SHISA9: variants seen among roughly 807,000 people sequenced by gnomAD.
The protein encoded by SHISA9 is shisa family member 9.
A neutral mutation model predicts 38.0 loss-of-function variants in SHISA9; 13 were observed. The ratio of observed to expected loss-of-function variants is 0.34; its 90% CI spans 0.22 to 0.54. The LOEUF (loss-of-function observed/expected upper bound fraction) is 0.54. Ranked by LOEUF, SHISA9 falls within the 20% of genes least tolerant of loss-of-function variation. The pLI is 0.91. For synonymous variants in SHISA9, 275 were observed against 242.0 expected (o/e 1.14, Z -1.27); for missense variants, 538 against 575.8 (o/e 0.93, Z 0.67).
chr16:13,325,248 C>A, the SHISA9 span, among the ~76,000 whole-genome samples: 5 of 152,198 alleles, frequency 3.3e-5, no homozygotes, highest in Non-Finnish European at 5.9e-5. Context: ...AAATACTTCA[C>A]CTGCTACCTG....
intron 4 of SHISA9, among the ~76,000 whole-genome samples, chr16:13,220,771 C>G (rs1416559787): frequency 6.7e-6 from 1 of 149,722 alleles, no homozygotes; most frequent in Non-Finnish European, 1.5e-5. Context: ...GGGATCTGTG[C>G]TCAGCCATGG....
At chr16:13,092,598 A>T (rs541902367) in intron 2 of SHISA9, among the ~76,000 whole-genome samples, 1 of 152,236 alleles carries the variant, frequency 6.6e-6, no homozygotes, top group African/African-American at 2.4e-5. Flanking sequence ...AGCATTGAGC[A>T]AGGCTCCATG....
intron 2 of SHISA9, among the ~76,000 whole-genome samples, chr16:12,995,889 C>A (rs1489084096): frequency 6.6e-6 from 1 of 152,130 alleles, no homozygotes; most frequent in Non-Finnish European, 1.5e-5. Flanking sequence ...GTCACTCCGG[C>A]ACATCATTGG....
At chr16:13,113,803 C>G (rs1567216474) in intron 2 of SHISA9, among the ~76,000 whole-genome samples, 1 of 152,170 alleles carries the variant, frequency 6.6e-6, no homozygotes, top group African/African-American at 2.4e-5. Context: ...AAGGTCCAGG[C>G]CTGTATCTCA....
intron 2 of SHISA9, among the ~76,000 whole-genome samples, chr16:13,101,553 G>T (rs1212424750): frequency 6.6e-6 from 1 of 152,204 alleles, no homozygotes; most frequent in Non-Finnish European, 1.5e-5. Context: ...TTGTGTTTGG[G>T]TTGATGGTCT....
At chr16:13,549,851 C>T in the SHISA9 span, among the ~76,000 whole-genome samples, 1 of 151,940 alleles carries the variant, frequency 6.6e-6, no homozygotes, top group African/African-American at 2.4e-5. Flanking sequence ...GGTGAAACCA[C>T]ATCTCTACAA....
chr16:13,023,433 G>A lies in SHISA9; in HGVS notation c.691+106618G>A, dbSNP rs552609544. 7.2e-5 allele frequency among the ~76,000 whole-genome samples: 11 copies of A among 152,284 alleles called. 1 individual carries two copies. In the South Asian group the frequency reaches 2.3e-3, roughly 32 times the overall value. ...GCAGTCTATCATTGATGGACATTTGGGTTGGTTCCAAGTCTTTGCTATTGT... is the reference window on the plus strand; with the variant it reads ...GCAGTCTATCATTGATGGACATTTGAGTTGGTTCCAAGTCTTTGCTATTGT... On this transcript the variant is annotated intron_variant, in intron 2 of 4. Coordinates refer to ENST00000558583, the MANE Select transcript of SHISA9 (RefSeq NM_001145204.3).
At chr16:12,973,790 T>C (rs1238297735) in intron 2 of SHISA9, among the ~76,000 whole-genome samples, 1 of 152,186 alleles carries the variant, frequency 6.6e-6, no homozygotes, top group Non-Finnish European at 1.5e-5. Context: ...GAAAGAGCAC[T>C]GAATTGGGAC....
At chr16:12,965,660 G>C (rs550588541) in intron 2 of SHISA9, among the ~76,000 whole-genome samples, 1 of 152,162 alleles carries the variant, frequency 6.6e-6, no homozygotes, top group African/African-American at 2.4e-5. Flanking sequence ...TGCAGGGTCT[G>C]GGGTTTACTC....
the SHISA9 span, among the ~76,000 whole-genome samples, chr16:13,489,310 A>C: frequency 1.3e-5 from 2 of 152,194 alleles, no homozygotes; most frequent in East Asian, 3.9e-4. Flanking sequence ...TCAGTCTCTC[A>C]AAGTGCTGGG....
At chr16:13,250,043 C>A in the SHISA9 span, among the ~76,000 whole-genome samples, 1 of 152,296 alleles carries the variant, frequency 6.6e-6, no homozygotes, top group South Asian at 2.1e-4. Context: ...CACATCTCTG[C>A]ATTTCTATCT....
rs1221985450 is a variant in SHISA9 at position 13,154,445 on chromosome 16, T to C, written c.692-48949T>C. On this transcript the variant is annotated intron_variant, in intron 2 of 4. Coordinates refer to ENST00000558583, the MANE Select transcript of SHISA9 (RefSeq NM_001145204.3). ...TCTGGATGGAAGCTTTAGGAGCCAA[T>C]ACACAGTTAGCCATGTGCTTTTCCC... is the stretch of plus-strand genomic sequence containing the variant. Among the ~76,000 whole-genome samples the C allele has an allele frequency of 3.9e-5, 6 of 152,310 alleles. 1 individual carries two copies. The South Asian group carries it at 1.2e-3, about 32-fold the overall frequency.
intron 2 of SHISA9, among the ~76,000 whole-genome samples, chr16:13,119,582 T>A (rs755286134): frequency 4.6e-5 from 7 of 152,230 alleles, no homozygotes; most frequent in Non-Finnish European, 8.8e-5. Context: ...CAATCGCTAA[T>A]CATTAATAAT....
Position 13,117,116 on chromosome 16 carries a change from G to T in SHISA9, c.692-86278G>T, listed in dbSNP as rs1171529954. On this transcript the variant is annotated intron_variant, in intron 2 of 4. Coordinates refer to ENST00000558583, the MANE Select transcript of SHISA9 (RefSeq NM_001145204.3). ...GCCTCCCGAGTAGCTGGGATTACAG[G>T]CCTGCGCCACCACCACGCCCGGCTA... Among the ~76,000 whole-genome samples, 2 of 152,100 alleles carry T rather than the reference G, an allele frequency of 1.3e-5. 1 individual carries two copies. Among genetic ancestry groups the T allele is most frequent in the Admixed American group, 1.3e-4 (2 of 15,270 alleles).
chr16:13,551,337 C>G, the SHISA9 span, among the ~76,000 whole-genome samples: 3 of 152,308 alleles, frequency 2.0e-5, no homozygotes, highest in South Asian at 6.2e-4. Context: ...CACAAATATT[C>G]ACATGCACAC....
the SHISA9 span, among the ~76,000 whole-genome samples, chr16:13,271,933 G>A: frequency 6.6e-6 from 1 of 152,044 alleles, no homozygotes; most frequent in Non-Finnish European, 1.5e-5. Flanking sequence ...ACAAAAATTA[G>A]CCGGGCATGG....
chr16:12,989,717 A>G (rs1233952131), intron 2 of SHISA9, among the ~76,000 whole-genome samples: 2 of 152,112 alleles, frequency 1.3e-5, no homozygotes, highest in Non-Finnish European at 2.9e-5. Context: ...TAAAAGTAAC[A>G]TTTTAGACAA....
At chr16:13,462,976 TAAATAAATAAA>T in the SHISA9 span, among the ~76,000 whole-genome samples, 1 of 150,738 alleles carries the variant, frequency 6.6e-6, no homozygotes. Context: ...AATAAATAAA[TAAATAAATAAA>T]AAATAAAAAT....
the SHISA9 span, among the ~76,000 whole-genome samples, chr16:13,382,512 A>C: frequency 2.0e-5 from 3 of 146,886 alleles, no homozygotes; most frequent in Non-Finnish European, 3.0e-5. Context: ...CCTGGATGAA[A>C]AGGGTGAAAC....
Sources: allele counts gnomAD v4.1 joint callset (sites outside exome capture counted in the v4.1 genomes callset), GRCh38; gene constraint gnomAD v4.1.1; transcripts MANE v1.5; gene names NCBI Gene and HGNC (gene_info 2026-07-23, HGNC 2026-07-21).